The following XRRA1 variants were observed in gnomAD, a reference collection of about 807,000 sequenced individuals.
XRRA1 encodes X-ray radiation resistance associated 1.
XRRA1 carries 69 observed loss-of-function variants against 80.2 expected under a neutral mutation model. The observed-to-expected ratio is 0.86, with a 90% CI of 0.71 to 1.05. The LOEUF (loss-of-function observed/expected upper bound fraction) is 1.05. XRRA1 is among the 50% of genes least tolerant of loss of function. The pLI is 0.00. For missense variants in XRRA1, 967 were observed against 976.4 expected (o/e 0.99, Z 0.13); for synonymous variants, 348 against 389.9 (o/e 0.89, Z 1.27).
At chr11:74,886,486 C>T (rs1395167810) in intron 10 of XRRA1, among the ~76,000 whole-genome samples, 1 of 151,828 alleles carries the variant, frequency 6.6e-6, no homozygotes, top group African/African-American at 2.4e-5. Context: ...AATAACATAC[C>T]TAGGAATACA....
At chr11:74,901,911 T>C (rs1250749880) in intron 10 of XRRA1, among the ~76,000 whole-genome samples, 1 of 151,986 alleles carries the variant, frequency 6.6e-6, no homozygotes, top group African/African-American at 2.4e-5. Flanking sequence ...AAAGCAAAAA[T>C]AGACAAATGG....
At chr11:74,889,203 C>G (rs1347520857) in intron 10 of XRRA1, among the ~76,000 whole-genome samples, 1 of 152,152 alleles carries the variant, frequency 6.6e-6, no homozygotes, top group Non-Finnish European at 1.5e-5. Flanking sequence ...AACAGCTGAT[C>G]TCTTGACAGA....
At chr11:74,921,458 C>A (rs1307171941) in intron 7 of XRRA1, 111 bp from the exon 8 acceptor site, 8 of 1,371,732 alleles carry the variant, frequency 5.8e-6, no homozygotes, top group African/African-American at 1.4e-5. Flanking sequence ...CAGGACAAAA[C>A]CCTCCTGGAT....
rs951178549 is a variant in XRRA1 at position 74,841,945 on chromosome 11, A to G, written c.*1255T>C. On this transcript the variant is annotated 3_prime_UTR_variant, in exon 19 of 19. Transcript: ENST00000684022. ...CGCTGAGCCTCCAGCAGAGCACTTA[A>G]AAGTCCTAGTGAGAGAATAGATACT... The G allele has an allele frequency of 6.6e-6, 1 of 152,272 alleles. No individual in the cohort carries two copies. Among genetic ancestry groups the G allele is most frequent in the African/African-American group, 2.4e-5 (1 of 41,466 alleles). 9.4% of individuals were successfully genotyped at this position (152,272 alleles called of 1,614,324 possible). A position where few individuals can be genotyped will look rare whatever the true frequency, so the allele number is the denominator to read the frequency against.
intron 12 of XRRA1, among the ~76,000 whole-genome samples, chr11:74,856,986 GC>G (rs958022944): frequency 2.6e-4 from 40 of 152,212 alleles, no homozygotes; most frequent in African/African-American, 9.2e-4. Context: ...ACTGAGAAAA[GC>G]CTATCCTTGA....
chr11:74,927,298 G>T (rs1181019512), intron 7 of XRRA1, 93 bp downstream of exon 7: 10 of 367,900 alleles, frequency 2.7e-5, no homozygotes, highest in South Asian at 2.6e-4. Context: ...GGCCCAGCAA[G>T]CCCCTTCCCA....
chr11:74,919,627 G>A (rs1046735712), intron 8 of XRRA1: 4 of 553,792 alleles, frequency 7.2e-6, no homozygotes, highest in African/African-American at 3.9e-5. Flanking sequence ...AAAAAGGGCC[G>A]TTCTGCCATC....
intron 7 of XRRA1, among the ~76,000 whole-genome samples, chr11:74,926,660 C>G (rs1942314069): frequency 6.6e-6 from 1 of 152,092 alleles, no homozygotes; most frequent in Non-Finnish European, 1.5e-5. Flanking sequence ...AAGTGGCCCA[C>G]AAATCTTCAT....
At chr11:74,908,941 G>A (rs559018336) in intron 8 of XRRA1, among the ~76,000 whole-genome samples, 1 of 152,282 alleles carries the variant, frequency 6.6e-6, no homozygotes, top group African/African-American at 2.4e-5. Context: ...AGAAAAATGT[G>A]GCAAGTCACA....
intron 12 of XRRA1, among the ~76,000 whole-genome samples, chr11:74,854,703 T>G (rs925929900): frequency 2.0e-5 from 3 of 152,130 alleles, no homozygotes; most frequent in East Asian, 3.9e-4. Flanking sequence ...CCATGATCCA[T>G]TTACTAAAGT....
chr11:74,930,776 T>C (rs1943343107), intron 5 of XRRA1, among the ~76,000 whole-genome samples: 1 of 152,198 alleles, frequency 6.6e-6, no homozygotes, highest in Non-Finnish European at 1.5e-5. Context: ...TTGGAGACTA[T>C]CATTCCCATA....
intron 10 of XRRA1, among the ~76,000 whole-genome samples, chr11:74,891,152 C>G (rs1352759533): frequency 6.6e-6 from 1 of 152,156 alleles, no homozygotes; most frequent in Non-Finnish European, 1.5e-5. Context: ...CAAAAATCCT[C>G]AATAAAATAC....
intron 10 of XRRA1, among the ~76,000 whole-genome samples, chr11:74,875,277 G>A (rs2045790424): frequency 6.6e-6 from 1 of 152,116 alleles, no homozygotes; most frequent in Non-Finnish European, 1.5e-5. Context: ...TCAGCCTCAG[G>A]GCCTCAATGC....
chr11:74,937,757 CTG>C (rs1945344199), intron 3 of XRRA1, among the ~76,000 whole-genome samples: 1 of 152,200 alleles, frequency 6.6e-6, no homozygotes, highest in Admixed American at 6.5e-5. Flanking sequence ...AGTTTACTTG[CTG>C]TGTGGTATTC....
At chr11:74,905,503 G>A (rs552136616) in intron 10 of XRRA1, among the ~76,000 whole-genome samples, 2 of 152,316 alleles carry the variant, frequency 1.3e-5, no homozygotes, top group Non-Finnish European at 2.9e-5. Context: ...AAGGGAGACT[G>A]CAAAGCTGGA....
intron 10 of XRRA1, among the ~76,000 whole-genome samples, chr11:74,892,994 G>T (rs1363666716): frequency 6.6e-6 from 1 of 152,210 alleles, no homozygotes; most frequent in Non-Finnish European, 1.5e-5. Context: ...GGAAGTCAGT[G>T]TGGCAATTCC....
intron 4 of XRRA1, among the ~76,000 whole-genome samples, chr11:74,936,100 A>T (rs1366532573): frequency 6.6e-6 from 1 of 152,252 alleles, no homozygotes; most frequent in Admixed American, 6.5e-5. Context: ...ACCATAGCAG[A>T]ATCTGGAAAC....
Position 74,848,148 on chromosome 11 carries a change from G to A in XRRA1, c.1695C>T (p.Asp565=). The change falls in exon 15 of 19, where the codon GAC becomes GAT. Residue 565 remains aspartate (D), a synonymous_variant. Coordinates refer to ENST00000684022, the MANE Select transcript of XRRA1 (RefSeq NM_001378157.1). ...GGAAGATGGACTCTGTGCTCTTGGA[G>A]TCCTCATCTGATGGGCGCTCTGGGC... The part of the protein sequence containing the change: ...RLSPERPSDE[D]SKSTESIFLT... 6.2e-7 allele frequency: 1 copy of A among 1,612,620 alleles called. No individual in the cohort carries two copies. Among genetic ancestry groups the A allele is most frequent in the Non-Finnish European group, 8.5e-7 (1 of 1,179,876 alleles).
intron 10 of XRRA1, among the ~76,000 whole-genome samples, chr11:74,885,291 C>T (rs1479032336): frequency 1.3e-5 from 2 of 151,966 alleles, no homozygotes; most frequent in African/African-American, 4.8e-5. Context: ...TCAACAAATA[C>T]AGGAGTTGTT....
Sources: gnomAD v4.1 joint callset for allele counts (sites outside exome capture counted in the v4.1 genomes callset) on GRCh38, gnomAD v4.1.1 for gene constraint, MANE v1.5 for transcripts, NCBI Gene and HGNC (gene_info 2026-07-23, HGNC 2026-07-21) for gene names.